FAM219A: variants seen among roughly 807,000 people sequenced by gnomAD.
FAM219A encodes the protein family with sequence similarity 219 member A.
FAM219A carries 7 observed loss-of-function variants against 23.4 expected under a neutral mutation model. The ratio of observed to expected loss-of-function variants is 0.30; its 90% CI spans 0.17 to 0.56. The LOEUF is 0.56. FAM219A is among the 20% of genes least tolerant of loss of function. The pLI, the probability that FAM219A is intolerant of heterozygous loss-of-function variation, is 0.92. For synonymous variants in FAM219A, 93 were observed against 99.0 expected (o/e 0.94, Z 0.36); for missense variants, 166 against 246.9 (o/e 0.67, Z 2.20).
chr9:34,421,458 C>G (rs995934114), intron 1 of FAM219A, among the ~76,000 whole-genome samples: 1 of 152,072 alleles, frequency 6.6e-6, no homozygotes, highest in Non-Finnish European at 1.5e-5. Flanking sequence ...TCTGCAGGCT[C>G]AGGGCAGTAG....
At chr9:34,416,529 C>T (rs565509486) in intron 1 of FAM219A, among the ~76,000 whole-genome samples, 9 of 152,016 alleles carry the variant, frequency 5.9e-5, no homozygotes, top group African/African-American at 1.7e-4. Context: ...TTTGGGAGGC[C>T]GAAGCAGGAG....
At chr9:34,434,385 A>T (rs1822828867) in intron 1 of FAM219A, among the ~76,000 whole-genome samples, 1 of 152,124 alleles carries the variant, frequency 6.6e-6, no homozygotes, top group Admixed American at 6.5e-5. Flanking sequence ...ATTTATTTTT[A>T]TATTGCAACT....
At chr9:34,448,997 A>G (rs1823467023) in intron 1 of FAM219A, among the ~76,000 whole-genome samples, 1 of 144,586 alleles carries the variant, frequency 6.9e-6, no homozygotes, top group Admixed American at 7.2e-5. Flanking sequence ...ACTATCGGAA[A>G]AAAAAAAAAA....
chr9:34,414,653 A>G (rs1821935997), intron 1 of FAM219A, among the ~76,000 whole-genome samples: 1 of 152,260 alleles, frequency 6.6e-6, no homozygotes, highest in African/African-American at 2.4e-5. Flanking sequence ...CATAACGGAG[A>G]GGATCTCTCC....
intron 1 of FAM219A, among the ~76,000 whole-genome samples, chr9:34,436,155 T>C (rs979770976): frequency 3.9e-5 from 6 of 151,936 alleles, no homozygotes; most frequent in Non-Finnish European, 7.4e-5. Context: ...TTGCAGCTAC[T>C]AATAACTATT....
chr9:34,414,337 G>T (rs572636168), intron 1 of FAM219A, among the ~76,000 whole-genome samples: 2 of 152,206 alleles, frequency 1.3e-5, no homozygotes, highest in Admixed American at 1.3e-4. Context: ...TCCTGTTTTT[G>T]TTCCCCATCT....
chr9:34,444,808 G>T (rs752465420), intron 1 of FAM219A, among the ~76,000 whole-genome samples: 19 of 152,100 alleles, frequency 1.2e-4, no homozygotes, highest in Admixed American at 1.3e-4. Flanking sequence ...ATCCACAAGA[G>T]AATAATTTAT....
At chr9:34,425,956 T>C (rs891083047) in intron 1 of FAM219A, among the ~76,000 whole-genome samples, 1 of 152,248 alleles carries the variant, frequency 6.6e-6, no homozygotes, top group African/African-American at 2.4e-5. Context: ...AAGGGAATGC[T>C]TGTTCTGTAC....
chr9:34,458,347 G>A lies in FAM219A; in HGVS notation c.-84C>T. On this transcript the variant is annotated 5_prime_UTR_variant, in exon 1 of 6. Transcript: ENST00000651358. This position sits in a 1 kb window ranked among gnomAD's most constrained non-coding sequence, Gnocchi z 6.6. Reference sequence around the variant, plus strand: ...CGCGGGGCGGCGGCCCCAGGAGCCCGGCGGGTGGTGCAGACTAGGCCTCCC... The same window carrying A: ...CGCGGGGCGGCGGCCCCAGGAGCCCAGCGGGTGGTGCAGACTAGGCCTCCC... 1 of 1,064,246 alleles carries A rather than the reference G, an allele frequency of 9.4e-7. No homozygotes were observed. Among genetic ancestry groups the A allele is most frequent in the Non-Finnish European group, 1.2e-6 (1 of 848,262 alleles). 65.9% of individuals were successfully genotyped at this position (1,064,246 alleles called of 1,614,324 possible).
intron 5 of FAM219A, 65 bp downstream of exon 5, chr9:34,401,601 C>A (rs1027722975): frequency 6.4e-7 from 1 of 1,560,220 alleles, no homozygotes; most frequent in South Asian, 1.2e-5. Context: ...TTGGCCCCAG[C>A]CCTCCCCCGG....
In FAM219A at chr9:34,402,466, G is replaced by A. The variant is rs1461915932; in HGVS notation, c.265C>T (p.Leu89=). The A allele has an allele frequency of 1.2e-6, 2 of 1,614,186 alleles. No individual in the cohort carries two copies. Among genetic ancestry groups the A allele is most frequent in the African/African-American group, 1.3e-5 (1 of 75,060 alleles). Residue 89 remains leucine (L), a splice_region_variant and synonymous_variant, in exon 4 of 6, where the codon CTG becomes TTG. Coordinates refer to ENST00000651358, the MANE Select transcript of FAM219A (RefSeq NM_001184940.2). ...GAGTAGCCTTTATTGGGGACGACCA[G>A]CCTAGGTGAAGAATTTCGGGAGTTA... The part of the protein sequence containing the change: ...KKNNVMARTR[L]VVPNKGYSSL...
rs532779624 is a variant in FAM219A at position 34,438,113 on chromosome 9, C to G, written c.60+20091G>C. ...GTACTGGGTCCCACAGCAGTGCCAG[C>G]CCACGGGCGCTGTGCTCGATTTCTC... On this transcript the variant is annotated intron_variant, in intron 1 of 5. Transcript: ENST00000651358. 1.2e-4 allele frequency among the ~76,000 whole-genome samples: 18 copies of G among 152,324 alleles called. 1 individual carries two copies. The highest frequency in any genetic ancestry group is 4.3e-4 in the African/African-American group (18 of 41,570).
chr9:34,451,361 G>A (rs1823554681), intron 1 of FAM219A, among the ~76,000 whole-genome samples: 1 of 152,060 alleles, frequency 6.6e-6, no homozygotes, highest in African/African-American at 2.4e-5. Context: ...AAGAAACAAT[G>A]ACTTGGGACC....
At chr9:34,440,431 C>A (rs1335183273) in intron 1 of FAM219A, among the ~76,000 whole-genome samples, 2 of 152,006 alleles carry the variant, frequency 1.3e-5, no homozygotes, top group Non-Finnish European at 2.9e-5. Context: ...TTGTCTGGGG[C>A]ACATGTACAC....
chr9:34,411,993 T>C (rs552503007), intron 1 of FAM219A, among the ~76,000 whole-genome samples: 1 of 152,272 alleles, frequency 6.6e-6, no homozygotes, highest in Non-Finnish European at 1.5e-5. Context: ...TTGCAGGAAA[T>C]CAAGTTTGTG....
At chr9:34,432,052 T>C (rs974213256) in intron 1 of FAM219A, among the ~76,000 whole-genome samples, 6 of 152,198 alleles carry the variant, frequency 3.9e-5, no homozygotes, top group African/African-American at 1.4e-4. Flanking sequence ...ATGAAGAAAA[T>C]AATAGTACCT....
intron 5 of FAM219A, 90 bp downstream of exon 5, chr9:34,401,576 C>T: frequency 6.9e-7 from 1 of 1,453,078 alleles, no homozygotes; most frequent in South Asian, 1.2e-5. Context: ...CCCTCTTTTT[C>T]CTTGTACTTG....
chr9:34,402,715 C>T lies in FAM219A; in HGVS notation c.253G>A (p.Ala85Thr). The T allele has an allele frequency of 6.2e-7, 1 of 1,614,116 alleles. No homozygotes were observed. The highest frequency in any genetic ancestry group is 8.5e-7 in the Non-Finnish European group (1 of 1,180,000). Reference protein sequence around the residue: ...NQQPKKNNVMARTRLVVPNKG... With the variant: ...NQQPKKNNVMTRTRLVVPNKG... The stretch of plus-strand genomic sequence containing the variant: ...AGGGAGGGCCTCTACCTTGTTCGGG[C>T]CATGACATTGTTCTTCTTGGGTTGC... Residue 85 changes from alanine to threonine, a missense_variant, in exon 3 of 6, where the codon GCC becomes ACC. This residue lies in a region of FAM219A where 89 missense variants were observed against 98.8 expected (regional missense o/e 0.90). Coordinates refer to ENST00000651358, the MANE Select transcript of FAM219A (RefSeq NM_001184940.2).
At chr9:34,448,115 C>T (rs144274431) in intron 1 of FAM219A, among the ~76,000 whole-genome samples, 51 of 152,274 alleles carry the variant, frequency 3.3e-4, no homozygotes, top group African/African-American at 1.2e-3. Flanking sequence ...AAGCAATCCT[C>T]CCGCCTTGGC....
Sources: gnomAD v4.1 joint callset for allele counts (sites outside exome capture counted in the v4.1 genomes callset) on GRCh38, gnomAD v4.1.1 for gene constraint, gnomAD v4.1.1 regional missense constraint, Gnocchi (gnomAD v3.1) non-coding constraint, MANE v1.5 for transcripts, NCBI Gene and HGNC (gene_info 2026-07-23, HGNC 2026-07-21) for gene names.